The following USP3 variants were observed in gnomAD, a reference collection of about 807,000 sequenced individuals.
The protein encoded by USP3 is ubiquitin specific peptidase 3, also known as ubiquitin carboxyl-terminal hydrolase 3.
USP3 carries 20 observed loss-of-function variants against 72.3 expected under a neutral mutation model. That is an observed-to-expected ratio of 0.28 (90% confidence interval 0.19 to 0.40). USP3 has a LOEUF of 0.40. Ranked by LOEUF, USP3 falls within the 10% of genes least tolerant of loss-of-function variation. The probability of loss-of-function intolerance (pLI) is 1.00; values close to 1 mark genes in which losing one functional copy is unlikely to be tolerated. For synonymous variants in USP3, 222 were observed against 225.3 expected, an observed-to-expected ratio of 0.99 and a Z score of 0.13; for missense variants, 479 against 633.9, an observed-to-expected ratio of 0.76 and a Z score of 2.62.
At chr15:63,583,993 C>T (rs548379404) in intron 11 of USP3, among the ~76,000 whole-genome samples, 17 of 151,544 alleles carry the variant, frequency 1.1e-4, no homozygotes, top group African/African-American at 1.5e-4. Flanking sequence ...AGAGTGGAAT[C>T]GCTGAATCAT....
chr15:63,543,197 A>G (rs1322577230), intron 3 of USP3, among the ~76,000 whole-genome samples: 2 of 152,188 alleles, frequency 1.3e-5, no homozygotes, highest in Admixed American at 6.5e-5. Flanking sequence ...ACTTGATATT[A>G]TAAAAAGTAG....
At position 63,504,629 on chromosome 15, in the gene USP3, TCGGCCGAG is replaced by T. The variant is rs2065682900; in HGVS notation, c.-108_-101del. 1.1e-6 allele frequency: 1 copy of T among 934,246 alleles called. No homozygotes were observed. The highest frequency in any genetic ancestry group is 1.5e-6 in the Non-Finnish European group (1 of 659,810). 57.9% of individuals were successfully genotyped at this position (934,246 alleles called of 1,614,324 possible). A position where few individuals can be genotyped will look rare whatever the true frequency, so the allele number is the denominator to read the frequency against. ...GCAAGGGCTCGAGACGCAGCCGCCG[TCGGCCGAG>T]CGCCCGGCTAGAAGCGACACCAGAC... On this transcript the variant is annotated 5_prime_UTR_variant, in exon 1 of 15. Coordinates refer to ENST00000380324, the MANE Select transcript of USP3 (RefSeq NM_006537.4).
At position 63,504,698 on chromosome 15, in the gene USP3, G is replaced by T; in HGVS notation, c.-42G>T. 1 of 1,532,324 alleles carries T rather than the reference G, an allele frequency of 6.5e-7. No individual in the cohort carries two copies. The allele number at this position is 1,532,324 out of a possible 1,614,324, so 94.9% of individuals were successfully genotyped here. On this transcript the variant is annotated 5_prime_UTR_variant, in exon 1 of 15. Coordinates refer to ENST00000380324, the MANE Select transcript of USP3 (RefSeq NM_006537.4). ...GAGTTCCTCCGCCCCCACCTCGCCG[G>T]GTCCTGGAGCCGCAGTCCTCCCAGC... is the stretch of plus-strand genomic sequence containing the variant.
intron 1 of USP3, chr15:63,527,891 T>C (rs1392227346): frequency 6.6e-6 from 1 of 152,242 alleles, no homozygotes; most frequent in Non-Finnish European, 1.5e-5. Flanking sequence ...TAAGTGGTTT[T>C]AGGAGGAAGA....
At chr15:63,556,780 G>A (rs1320225577) in intron 5 of USP3, 32 bp downstream of exon 5, 1 of 1,410,230 alleles carries the variant, frequency 7.1e-7, no homozygotes, top group Non-Finnish European at 9.7e-7. Context: ...AAATATAAGA[G>A]TTAGTTGAGA....
chr15:63,577,844 C>T (rs2066889436), intron 11 of USP3, among the ~76,000 whole-genome samples: 1 of 151,048 alleles, frequency 6.6e-6, no homozygotes, highest in South Asian at 2.1e-4. Flanking sequence ...CAAGGAGGAT[C>T]ACTTGAGCCC....
chr15:63,534,449 G>A (rs957183264), intron 2 of USP3, among the ~76,000 whole-genome samples: 9 of 151,998 alleles, frequency 5.9e-5, no homozygotes, highest in Admixed American at 2.0e-4. Context: ...TCAAATTTTT[G>A]TGATTGTTAT....
chr15:63,588,921 G>C lies in USP3; in HGVS notation c.1330-23G>C. ...CGAGATACTGATGTCATTGACCACT[G>C]CTCCTTCTTCCTTGTTCTGTAGCCT... On this transcript the variant is annotated intron_variant, in intron 13 of 14. Transcript: ENST00000380324. The surrounding 1 kb of genome is among the most constrained non-coding windows in gnomAD (Gnocchi z 4.6). 1 of 1,614,076 alleles carries C rather than the reference G, an allele frequency of 6.2e-7. No homozygotes were observed. Among genetic ancestry groups the C allele is most frequent in the Non-Finnish European group, 8.5e-7 (1 of 1,179,958 alleles).
rs2067184734 is a variant in USP3, at chr15:63,590,835, C to G, written c.*9C>G. On this transcript the variant is annotated 3_prime_UTR_variant, in exon 15 of 15. Transcript: ENST00000380324. ...GATCGGATAAACTTTAATACCTCCT[C>G]CAAATCATCATTCACCAACCATACC... The G allele has an allele frequency of 6.2e-7, 1 of 1,603,144 alleles. No individual in the cohort carries two copies. Among genetic ancestry groups the G allele is most frequent in the Non-Finnish European group, 8.5e-7 (1 of 1,175,062 alleles).
chr15:63,526,016 T>C (rs924718040), intron 1 of USP3, among the ~76,000 whole-genome samples: 1 of 152,210 alleles, frequency 6.6e-6, no homozygotes, highest in African/African-American at 2.4e-5. Flanking sequence ...TAGAATAAGT[T>C]CATTTTATTA....
chr15:63,523,179 T>C (rs1209919871), intron 1 of USP3, among the ~76,000 whole-genome samples: 1 of 152,146 alleles, frequency 6.6e-6, no homozygotes, highest in Non-Finnish European at 1.5e-5. Context: ...TTAATTCTGG[T>C]GTAGGAGGAT....
chr15:63,574,312 C>G lies in USP3; in HGVS notation c.1016-11C>G. The G allele has an allele frequency of 6.3e-7, 1 of 1,575,514 alleles. No individual in the cohort carries two copies. Among genetic ancestry groups the G allele is most frequent in the African/African-American group, 1.4e-5 (1 of 72,936 alleles). On this transcript the variant is annotated splice_polypyrimidine_tract_variant and intron_variant, in intron 10 of 14. Transcript: ENST00000380324. This position sits in a 1 kb window ranked among gnomAD's most constrained non-coding sequence, Gnocchi z 4.6. ...TTAACAGCTCTCTGTTTACCTCTCTCTCCTTTTAAGACCTTTCATTAGATA... is the reference window on the plus strand; with the variant it reads ...TTAACAGCTCTCTGTTTACCTCTCTGTCCTTTTAAGACCTTTCATTAGATA...
chr15:63,515,802 G>A (rs978196269), intron 1 of USP3, among the ~76,000 whole-genome samples: 1 of 152,136 alleles, frequency 6.6e-6, no homozygotes, highest in African/African-American at 2.4e-5. Context: ...TACAGAGACA[G>A]GTAATAGTAT....
chr15:63,541,510 T>G lies in USP3; in HGVS notation c.284+4354T>G, dbSNP rs1177870203. 3.9e-5 allele frequency among the ~76,000 whole-genome samples: 6 copies of G among 152,300 alleles called. 1 individual carries two copies. The highest frequency in any genetic ancestry group is 3.9e-4 in the Admixed American group (6 of 15,298). ...TATTTTGAAGTTTAAGAAGAAACTTTCTAATAGAGATAATCTTAAAACATA... is the reference window on the plus strand; with the variant it reads ...TATTTTGAAGTTTAAGAAGAAACTTGCTAATAGAGATAATCTTAAAACATA... On this transcript the variant is annotated intron_variant, in intron 3 of 14. Coordinates refer to ENST00000380324, the MANE Select transcript of USP3 (RefSeq NM_006537.4).
intron 7 of USP3, among the ~76,000 whole-genome samples, chr15:63,560,523 A>T (rs1263494913): frequency 6.6e-6 from 1 of 152,094 alleles, no homozygotes; most frequent in Non-Finnish European, 1.5e-5. Context: ...TAGAATTGGC[A>T]TCTAGATATG....
At chr15:63,516,579 A>G (rs1205489292) in intron 1 of USP3, among the ~76,000 whole-genome samples, 2 of 152,136 alleles carry the variant, frequency 1.3e-5, no homozygotes, top group Admixed American at 6.5e-5. Flanking sequence ...TGAATAGAAA[A>G]TATTAGTAAG....
intron 11 of USP3, among the ~76,000 whole-genome samples, chr15:63,581,550 A>ATTTTTTT (rs56376454): frequency 1.9e-5 from 2 of 107,504 alleles, no homozygotes; most frequent in African/African-American, 3.8e-5. Context: ...CACCCGGCTA[A>ATTTTTTT]TTTTTTTTTT....
chr15:63,525,369 C>T (rs180815366), intron 1 of USP3, among the ~76,000 whole-genome samples: 1 of 152,240 alleles, frequency 6.6e-6, no homozygotes, highest in African/African-American at 2.4e-5. Flanking sequence ...CTAAGTATCT[C>T]CTGTTGCCCT....
At position 63,528,524 on chromosome 15, in the gene USP3, C is replaced by T. The variant is rs2066018903; in HGVS notation, c.92-4123C>T. 1.3e-5 allele frequency among the ~76,000 whole-genome samples: 2 copies of T among 152,006 alleles called. No homozygotes were observed. Among genetic ancestry groups the T allele is most frequent in the South Asian group, 2.1e-4 (1 of 4,826 alleles). Reference sequence around the variant, plus strand: ...ATTTTTATGTTTTGCTAAATAGATACTATATTCAGAGCCTAAAAATATTTT... The same window carrying T: ...ATTTTTATGTTTTGCTAAATAGATATTATATTCAGAGCCTAAAAATATTTT... On this transcript the variant is annotated intron_variant, in intron 1 of 14. Coordinates refer to ENST00000380324, the MANE Select transcript of USP3 (RefSeq NM_006537.4). This position sits in a 1 kb window ranked among gnomAD's most constrained non-coding sequence, Gnocchi z 4.3.
Sources: gnomAD v4.1 joint callset for allele counts (sites outside exome capture counted in the v4.1 genomes callset) on GRCh38, gnomAD v4.1.1 for gene constraint, Gnocchi (gnomAD v3.1) non-coding constraint, MANE v1.5 for transcripts, NCBI Gene and HGNC (gene_info 2026-07-23, HGNC 2026-07-21) for gene names.